Variants in CAGE1 observed in about 807,000 individuals in gnomAD.
The protein encoded by CAGE1 is cancer-associated gene 1 protein.
CAGE1 carries 66 observed loss-of-function variants against 94.9 expected under a neutral mutation model. The observed-to-expected ratio is 0.70, with a 90% CI of 0.57 to 0.85. The LOEUF (loss-of-function observed/expected upper bound fraction) is 0.85. Ranked by LOEUF, CAGE1 falls within the 40% of genes least tolerant of loss-of-function variation. CAGE1 has a pLI of 0.00. For missense variants in CAGE1, 865 were observed against 950.4 expected, an observed-to-expected ratio of 0.91 and a Z score of 1.18; for synonymous variants, 319 against 321.0, an observed-to-expected ratio of 0.99 and a Z score of 0.07.
Position 7,365,874 on chromosome 6 carries a change from T to C in CAGE1, c.2015A>G (p.His672Arg). ...KKTLDKELLKHKDRITTFREL... is the reference protein window; with the variant it reads ...KKTLDKELLKRKDRITTFREL... Reference sequence around the variant, plus strand: ...TCTAAAGGTTGTGATTCTATCTTTATGTTTCAGTAGCTAAGAAAAGGAAAA... The same window carrying C: ...TCTAAAGGTTGTGATTCTATCTTTACGTTTCAGTAGCTAAGAAAAGGAAAA... The change falls in exon 8 of 14, where the codon CAT (histidine) becomes CGT (arginine). Residue 672 changes from histidine (H) to arginine (R), a missense_variant. Physicochemically the swap from His to Arg is conservative, Grantham distance 29. Coordinates refer to ENST00000502583, the MANE Select transcript of CAGE1 (RefSeq NM_001170692.2). 1.3e-6 allele frequency: 2 copies of C among 1,510,470 alleles called. No individual in the cohort carries two copies. The highest frequency in any genetic ancestry group is 2.5e-5 in the East Asian group (1 of 40,630). 93.6% of individuals were successfully genotyped at this position (1,510,470 alleles called of 1,614,324 possible).
intron 4 of CAGE1, 156 bp downstream of exon 4, chr6:7,378,461 A>G: frequency 5.3e-6 from 1 of 189,754 alleles, no homozygotes; most frequent in Non-Finnish European, 9.7e-6. Flanking sequence ...TTATATATAT[A>G]TATATACAAT....
Position 7,365,493 on chromosome 6 carries a change from C to A in CAGE1, c.2168G>T (p.Ser723Ile). The change falls in exon 9 of 14, where the codon AGT (serine) becomes ATT (isoleucine). Residue 723 changes from serine to isoleucine, a missense_variant. Coordinates refer to ENST00000502583, the MANE Select transcript of CAGE1 (RefSeq NM_001170692.2). ...CAAGAAATCAAGCTCCTCATTTAGA[C>A]TGTGGTACTTATCCAGTTTGGCTCC... Reference protein sequence around the residue: ...LLGAKLDKYHSLNEELDFLIT... With the variant: ...LLGAKLDKYHILNEELDFLIT... 1 of 1,613,406 alleles carries A rather than the reference C, an allele frequency of 6.2e-7. No homozygotes were observed. Among genetic ancestry groups the A allele is most frequent in the Non-Finnish European group, 8.5e-7 (1 of 1,179,624 alleles).
Position 7,339,139 on chromosome 6 carries a change from C to T in CAGE1, c.2370-5049G>A. The T allele has an allele frequency of 6.5e-7, 1 of 1,548,136 alleles. No individual in the cohort carries two copies. The highest frequency in any genetic ancestry group is 8.9e-7 in the Non-Finnish European group (1 of 1,121,154). On this transcript the variant is annotated intron_variant, in intron 11 of 13. Coordinates refer to ENST00000502583, the MANE Select transcript of CAGE1 (RefSeq NM_001170692.2). The surrounding 1 kb of genome is among the most constrained non-coding windows in gnomAD (Gnocchi z 4.7). ...AACTTCATGGATTTAGCTCTCTGTC[C>T]TCAGAGTTTCCCAGACACCACGACC... is the stretch of plus-strand genomic sequence containing the variant.
intron 9 of CAGE1, among the ~76,000 whole-genome samples, chr6:7,363,674 C>T (rs879356689): frequency 1.3e-5 from 2 of 152,126 alleles, no homozygotes; most frequent in Non-Finnish European, 2.9e-5. Flanking sequence ...GGTAAGAAGC[C>T]TTGTGGAGGG....
chr6:7,344,190 C>T (rs971767427), intron 11 of CAGE1, among the ~76,000 whole-genome samples: 5 of 152,218 alleles, frequency 3.3e-5, no homozygotes, highest in African/African-American at 1.2e-4. Flanking sequence ...CCAGAGCTGG[C>T]TCCCTCAGCT....
chr6:7,350,093 C>T (rs967070544), intron 11 of CAGE1, among the ~76,000 whole-genome samples: 2 of 152,002 alleles, frequency 1.3e-5, no homozygotes, highest in Admixed American at 6.6e-5. Context: ...ACACCAAAAG[C>T]GAGCAGGGGT....
intron 3 of CAGE1, among the ~76,000 whole-genome samples, chr6:7,382,589 C>T (rs954306640): frequency 2.0e-5 from 3 of 150,386 alleles, no homozygotes; most frequent in Non-Finnish European, 3.0e-5. Context: ...GTATGAGCTA[C>T]CGTGCCCAGC....
Position 7,339,645 on chromosome 6 carries a change from C to A in CAGE1, c.2370-5555G>T. 1 of 625,898 alleles carries A rather than the reference C, an allele frequency of 1.6e-6. No homozygotes were observed. Among genetic ancestry groups the A allele is most frequent in the Non-Finnish European group, 2.9e-6 (1 of 347,428 alleles). The allele number at this position is 625,898 out of a possible 1,614,324, so 38.8% of individuals were successfully genotyped here. The stretch of plus-strand genomic sequence containing the variant: ...TTGTGTCCTCATAGCTTAGCTCCCA[C>A]TTATGAGTGAGAACATATGATGTTT... On this transcript the variant is annotated intron_variant, in intron 11 of 13. Transcript: ENST00000502583. This position sits in a 1 kb window ranked among gnomAD's most constrained non-coding sequence, Gnocchi z 4.7.
intron 12 of CAGE1, among the ~76,000 whole-genome samples, chr6:7,330,127 C>A (rs113092033): frequency 2.6e-5 from 4 of 152,220 alleles, no homozygotes; most frequent in Non-Finnish European, 5.9e-5. Context: ...GTGGCTCACA[C>A]CTGTAATCCC....
At chr6:7,345,986 A>C (rs916344543) in intron 11 of CAGE1, among the ~76,000 whole-genome samples, 1 of 152,200 alleles carries the variant, frequency 6.6e-6, no homozygotes, top group Non-Finnish European at 1.5e-5. Flanking sequence ...CTCAAACTCT[A>C]TTAAATTTTA....
intron 1 of CAGE1, among the ~76,000 whole-genome samples, chr6:7,388,521 T>C (rs1761214596): frequency 6.6e-6 from 1 of 152,206 alleles, no homozygotes; most frequent in South Asian, 2.1e-4. Flanking sequence ...AGGAGCATAC[T>C]TAGGGCTTTC....
chr6:7,357,330 A>C (rs1759990654), intron 9 of CAGE1, among the ~76,000 whole-genome samples: 1 of 152,208 alleles, frequency 6.6e-6, no homozygotes, highest in Non-Finnish European at 1.5e-5. Context: ...AATTTAAAAG[A>C]CTTTTGAAGT....
chr6:7,343,560 G>C (rs1759278131), intron 11 of CAGE1, among the ~76,000 whole-genome samples: 1 of 152,172 alleles, frequency 6.6e-6, no homozygotes, highest in Non-Finnish European at 1.5e-5. Flanking sequence ...CAGTTGCTGT[G>C]ACAGGGCAGT....
intron 11 of CAGE1, chr6:7,347,506 G>GGT (rs1759595874): frequency 7.5e-6 from 1 of 132,534 alleles, no homozygotes; most frequent in Non-Finnish European, 1.6e-5. Context: ...GCGAGGGTGG[G>GGT]GGGGGGGGTT....
intron 5 of CAGE1, among the ~76,000 whole-genome samples, chr6:7,372,186 C>T (rs934249723): frequency 6.6e-6 from 1 of 151,984 alleles, no homozygotes; most frequent in Non-Finnish European, 1.5e-5. Flanking sequence ...CAAAGGAACC[C>T]TGGGGTTGGG....
intron 11 of CAGE1, among the ~76,000 whole-genome samples, chr6:7,346,505 C>T (rs57978005): frequency 0.27 from 40,487 of 151,706 alleles, 5,617 homozygotes; most frequent in Middle Eastern, 0.32. Context: ...GCCAAGACTG[C>T]GCCACTGCAC....
At chr6:7,345,593 T>G (rs1759459237) in intron 11 of CAGE1, among the ~76,000 whole-genome samples, 1 of 152,192 alleles carries the variant, frequency 6.6e-6, no homozygotes, top group Non-Finnish European at 1.5e-5. Flanking sequence ...CTAATAGCTT[T>G]CATAGTAAAC....
At chr6:7,357,777 T>G (rs572313404) in intron 9 of CAGE1, among the ~76,000 whole-genome samples, 11 of 151,672 alleles carry the variant, frequency 7.3e-5, no homozygotes, top group African/African-American at 2.7e-4. Flanking sequence ...AAATTTTTGT[T>G]GTTGTTGTTT....
chr6:7,360,808 G>T (rs975486903), intron 9 of CAGE1, among the ~76,000 whole-genome samples: 14 of 152,022 alleles, frequency 9.2e-5, no homozygotes, highest in Non-Finnish European at 4.4e-5. Context: ...TTAGCCAGGT[G>T]GGGTAGTGCA....
Sources: gnomAD v4.1 joint callset for allele counts (sites outside exome capture counted in the v4.1 genomes callset) on GRCh38, gnomAD v4.1.1 for gene constraint, Gnocchi (gnomAD v3.1) non-coding constraint, MANE v1.5 for transcripts, NCBI Gene and HGNC (gene_info 2026-07-23, HGNC 2026-07-21) for gene names.